ITPR2: variants seen among roughly 807,000 people sequenced by gnomAD.
The protein encoded by ITPR2 is inositol 1,4,5-trisphosphate-gated calcium channel ITPR2.
Under a neutral mutation model 317.1 loss-of-function variants are expected in ITPR2, and 207 were observed. The ratio of observed to expected loss-of-function variants is 0.65; its 90% CI spans 0.58 to 0.73. The LOEUF (loss-of-function observed/expected upper bound fraction) is 0.73, where lower values mean the gene tolerates loss of function less well. Ranked by LOEUF, ITPR2 falls within the 30% of genes least tolerant of loss-of-function variation. ITPR2 has a pLI of 0.00. For synonymous variants in ITPR2, 1,156 were observed against 1,149.1 expected, an observed-to-expected ratio of 1.01 and a Z score of -0.12; for missense variants, 2,613 against 3,284.0, an observed-to-expected ratio of 0.80 and a Z score of 4.99.
intron 37 of ITPR2, among the ~76,000 whole-genome samples, chr12:26,507,849 T>TTCTC (rs765290686): frequency 1.6e-4 from 19 of 115,532 alleles, no homozygotes; most frequent in African/African-American, 3.3e-4. Flanking sequence ...CTCTCTACTC[T>TTCTC]TCTCTCTCTG....
chr12:26,504,429 T>C (rs921453594), intron 37 of ITPR2, among the ~76,000 whole-genome samples: 4 of 152,076 alleles, frequency 2.6e-5, no homozygotes, highest in African/African-American at 9.7e-5. Context: ...AAGAATCTTG[T>C]AGAAAAGCTG....
chr12:26,825,375 G>A (rs746610180), intron 1 of ITPR2, among the ~76,000 whole-genome samples: 82 of 152,076 alleles, frequency 5.4e-4, no homozygotes, highest in Non-Finnish European at 1.0e-3. Flanking sequence ...AGCATAAATC[G>A]GTCATAAAAG....
In ITPR2 at chr12:26,390,794, A is replaced by G. The variant is rs138782830; in HGVS notation, c.7697-3200T>C. Among the ~76,000 whole-genome samples the G allele has an allele frequency of 1.5e-3, 229 of 152,350 alleles. 1 individual carries two copies. The highest frequency in any genetic ancestry group is 0.014 in the Middle Eastern group (4 of 294). ...AACAACAACAACAAAACACTAAAAA[A>G]CAAAAGAGAGAAAAACAAACTAAAC... On this transcript the variant is annotated intron_variant, in intron 54 of 56. Transcript: ENST00000381340.
rs1565634942 is a variant in ITPR2 at position 26,605,094 on chromosome 12, A to T, written c.3463-2388T>A. Among the ~76,000 whole-genome samples the T allele has an allele frequency of 2.8e-5, 3 of 108,598 alleles. 1 individual carries two copies. Among genetic ancestry groups the T allele is most frequent in the African/African-American group, 6.8e-5 (2 of 29,284 alleles). 71.2% of individuals were successfully genotyped at this position (108,598 alleles called of 152,430 possible). A position where few individuals can be genotyped will look rare whatever the true frequency, so the allele number is the denominator to read the frequency against. On this transcript the variant is annotated intron_variant, in intron 26 of 56. Coordinates refer to ENST00000381340, the MANE Select transcript of ITPR2 (RefSeq NM_002223.4). The stretch of plus-strand genomic sequence containing the variant: ...CAGAGCATGACTCAGTCTCAAAAAA[A>T]AAAAAAATAAAAATAAAAAATAAAA...
chr12:26,373,501 G>A (rs1939248893), intron 55 of ITPR2: 2 of 152,082 alleles, frequency 1.3e-5, no homozygotes, highest in South Asian at 2.1e-4. Flanking sequence ...TCAGGTTCTG[G>A]TGAACTGGTG....
chr12:26,348,000 T>C (rs1376082562), intron 55 of ITPR2, among the ~76,000 whole-genome samples: 1 of 152,254 alleles, frequency 6.6e-6, no homozygotes, highest in Admixed American at 6.5e-5. Context: ...GAATGTGCTA[T>C]CACAAGACCA....
At chr12:26,584,718 AT>A (rs1945480279) in intron 32 of ITPR2, among the ~76,000 whole-genome samples, 1 of 152,098 alleles carries the variant, frequency 6.6e-6, no homozygotes, top group Non-Finnish European at 1.5e-5. Context: ...GAATTTCTAC[AT>A]TTTTTTAACT....
At chr12:26,421,808 T>G (rs1008813645) in intron 49 of ITPR2, among the ~76,000 whole-genome samples, 4 of 152,206 alleles carry the variant, frequency 2.6e-5, no homozygotes, top group Non-Finnish European at 5.9e-5. Context: ...CTGTCCTATA[T>G]ATTTTTTTCT....
intron 37 of ITPR2, among the ~76,000 whole-genome samples, chr12:26,510,743 G>T (rs1448355218): frequency 6.6e-6 from 1 of 152,212 alleles, no homozygotes; most frequent in Non-Finnish European, 1.5e-5. Context: ...ATTTGATTAC[G>T]TATCAGGGCA....
chr12:26,625,513 G>A (rs1946603809), intron 23 of ITPR2, among the ~76,000 whole-genome samples: 1 of 151,878 alleles, frequency 6.6e-6, no homozygotes, highest in Non-Finnish European at 1.5e-5. Flanking sequence ...TTAACAGTTT[G>A]AAAAAAATCA....
intron 13 of ITPR2, among the ~76,000 whole-genome samples, chr12:26,677,075 C>A: frequency 6.8e-6 from 1 of 147,176 alleles, no homozygotes. Context: ...TCAAAATGTA[C>A]GATAAGAATT....
intron 34 of ITPR2, among the ~76,000 whole-genome samples, chr12:26,568,006 T>TATATATATATTATATATATTATATA: frequency 1.3e-4 from 1 of 7,514 alleles, no homozygotes; most frequent in East Asian, 8.7e-4. Flanking sequence ...ATTATATATA[T>TATATATATATTATATATATTATATA]TATATATATA....
chr12:26,550,924 C>G (rs1944509887), intron 36 of ITPR2, among the ~76,000 whole-genome samples: 1 of 152,090 alleles, frequency 6.6e-6, no homozygotes, highest in African/African-American at 2.4e-5. Context: ...TCAAGACAGT[C>G]TAACCATTTA....
intron 34 of ITPR2, among the ~76,000 whole-genome samples, chr12:26,568,010 A>ATATATATATATATTATATATATTT (rs1945051092): frequency 4.6e-4 from 3 of 6,500 alleles, no homozygotes; most frequent in South Asian, 7.4e-3. Flanking sequence ...TATATATTAT[A>ATATATATATATATTATATATATTT]TATATATATA....
At chr12:26,778,944 T>C (rs1318011367) in intron 2 of ITPR2, among the ~76,000 whole-genome samples, 1 of 152,124 alleles carries the variant, frequency 6.6e-6, no homozygotes. Flanking sequence ...GCACAACATC[T>C]AGTGGGCCTA....
chr12:26,507,857 C>CTCTGTGTGTGTGTGTGTGTG (rs1326140162), intron 37 of ITPR2, among the ~76,000 whole-genome samples: 1 of 88,248 alleles, frequency 1.1e-5, no homozygotes, highest in African/African-American at 3.4e-5. Flanking sequence ...TCTTCTCTCT[C>CTCTGTGTGTGTGTGTGTGTG]TGTCTCTGTG....
chr12:26,443,811 G>A (rs1223315361), intron 45 of ITPR2, among the ~76,000 whole-genome samples, 161 bp from the exon 46 acceptor site: 1 of 152,082 alleles, frequency 6.6e-6, no homozygotes, highest in Non-Finnish European at 1.5e-5. Flanking sequence ...GAAAGGCAGA[G>A]ATAATGAAAT....
At chr12:26,709,455 T>C (rs1948609189) in intron 9 of ITPR2, among the ~76,000 whole-genome samples, 1 of 152,214 alleles carries the variant, frequency 6.6e-6, no homozygotes, top group African/African-American at 2.4e-5. Context: ...TTTCAAGGAA[T>C]GATTTGCTTT....
At chr12:26,448,549 C>T (rs2136752612) in intron 45 of ITPR2, among the ~76,000 whole-genome samples, 1 of 152,104 alleles carries the variant, frequency 6.6e-6, no homozygotes, top group African/African-American at 2.4e-5. Context: ...AAAAACTAGG[C>T]CTGAGATAAT....
Sources: allele counts gnomAD v4.1 joint callset (sites outside exome capture counted in the v4.1 genomes callset), GRCh38; gene constraint gnomAD v4.1.1; transcripts MANE v1.5; gene names NCBI Gene and HGNC (gene_info 2026-07-23, HGNC 2026-07-21).